The following DACH1 variants were observed in gnomAD, a reference collection of about 807,000 sequenced individuals.
DACH1 encodes dachshund homolog 1.
DACH1 carries 12 observed loss-of-function variants against 54.2 expected under a neutral mutation model. The observed-to-expected ratio is 0.22, with a 90% CI of 0.14 to 0.36. The LOEUF is 0.36. Among genes scored for constraint, DACH1 ranks in the 10% least tolerant of loss-of-function variants. The pLI, the probability that DACH1 is intolerant of heterozygous loss-of-function variation, is 1.00. For missense variants in DACH1, 805 were observed against 929.8 expected (o/e 0.87, Z 1.75); for synonymous variants, 386 against 366.2 (o/e 1.05, Z -0.62).
intron 3 of DACH1, among the ~76,000 whole-genome samples, chr13:71,606,530 T>C (rs568707715): frequency 2.0e-5 from 3 of 152,104 alleles, no homozygotes; most frequent in Admixed American, 6.6e-5. Context: ...TATCAGGAGG[T>C]AGAATGAGTG....
At chr13:71,835,043 A>G (rs76722434) in intron 1 of DACH1, among the ~76,000 whole-genome samples, 6,004 of 151,994 alleles carry the variant, frequency 0.04, 312 homozygotes, top group African/African-American at 0.12. Context: ...AGCTTGCCAA[A>G]ATTTTTCCCA....
intron 10 of DACH1, among the ~76,000 whole-genome samples, chr13:71,442,181 A>G (rs1874065388): frequency 6.6e-6 from 1 of 151,334 alleles, no homozygotes; most frequent in African/African-American, 2.4e-5. Context: ...CTCCCTCCCC[A>G]CTCTCCTCAC....
At chr13:71,634,616 A>G (rs1877337071) in intron 2 of DACH1, among the ~76,000 whole-genome samples, 1 of 152,098 alleles carries the variant, frequency 6.6e-6, no homozygotes, top group African/African-American at 2.4e-5. Flanking sequence ...ACTCTTAACT[A>G]TCTACCTAGG....
At chr13:71,647,583 C>T (rs182617789) in intron 2 of DACH1, among the ~76,000 whole-genome samples, 15 of 152,292 alleles carry the variant, frequency 9.8e-5, no homozygotes, top group African/African-American at 3.1e-4. Context: ...CAAACTGTAT[C>T]ATCTGATCAT....
At chr13:71,619,371 A>T (rs186051782) in intron 3 of DACH1, among the ~76,000 whole-genome samples, 140 of 152,042 alleles carry the variant, frequency 9.2e-4, no homozygotes, top group Non-Finnish European at 4.7e-4. Flanking sequence ...ATCCAATATG[A>T]CAGAGATTAG....
At chr13:71,857,398 T>C (rs1291857180) in intron 1 of DACH1, among the ~76,000 whole-genome samples, 2 of 151,800 alleles carry the variant, frequency 1.3e-5, no homozygotes, top group Non-Finnish European at 3.0e-5. Flanking sequence ...TTAAAGCCAA[T>C]TGTATTTTCC....
chr13:71,560,708 T>C (rs1255206113), intron 4 of DACH1, among the ~76,000 whole-genome samples: 1 of 152,130 alleles, frequency 6.6e-6, no homozygotes, highest in African/African-American at 2.4e-5. Flanking sequence ...CATTCTCCAT[T>C]AGACAAATCT....
Position 71,866,815 on chromosome 13 carries a change from GT to G in DACH1, c.-47del. 1 of 1,246,532 alleles carries G rather than the reference GT, an allele frequency of 8.0e-7. No individual in the cohort carries two copies. The highest frequency in any genetic ancestry group is 1.0e-6 in the Non-Finnish European group (1 of 984,426). 77.2% of individuals were successfully genotyped at this position (1,246,532 alleles called of 1,614,324 possible). On this transcript the variant is annotated 5_prime_UTR_variant, in exon 1 of 11. Transcript: ENST00000613252. ...AGACGGAGGAGAAGCGAGAGGAAAA[GT>G]TGCCACACACCCCCGGGAGGGGAAG... is the stretch of plus-strand genomic sequence containing the variant.
intron 1 of DACH1, among the ~76,000 whole-genome samples, chr13:71,781,346 T>TTTTATTTATTTA (rs58100916): frequency 8.7e-5 from 12 of 137,210 alleles, no homozygotes; most frequent in African/African-American, 1.3e-4. Context: ...TCTTTTTTAT[T>TTTTATTTATTTA]TTTATTTATT....
chr13:71,865,884 A>C (rs1257666548), intron 1 of DACH1, 38 bp downstream of exon 1: 2 of 1,542,980 alleles, frequency 1.3e-6, no homozygotes, highest in African/African-American at 2.8e-5. Flanking sequence ...GCTGGTGGGA[A>C]GGGGCGCGGG....
At chr13:71,775,150 T>TTTTTTG (rs1886013567) in intron 1 of DACH1, among the ~76,000 whole-genome samples, 1 of 141,354 alleles carries the variant, frequency 7.1e-6, no homozygotes, top group African/African-American at 2.7e-5. Context: ...TTTTTTTTTT[T>TTTTTTG]TTTTTTTTAA....
intron 1 of DACH1, among the ~76,000 whole-genome samples, chr13:71,783,228 T>C (rs1380210462): frequency 2.6e-5 from 4 of 152,184 alleles, no homozygotes; most frequent in Non-Finnish European, 5.9e-5. Context: ...AGATCCATAG[T>C]GATGCCTTCA....
intron 4 of DACH1, among the ~76,000 whole-genome samples, chr13:71,561,221 G>A (rs1884563387): frequency 6.6e-6 from 1 of 152,064 alleles, no homozygotes; most frequent in African/African-American, 2.4e-5. Context: ...TTATGCTTGA[G>A]TTTCACTCCC....
chr13:71,542,659 C>T (rs115104902), intron 6 of DACH1, among the ~76,000 whole-genome samples: 475 of 152,164 alleles, frequency 3.1e-3, no homozygotes, highest in African/African-American at 0.011. Context: ...TTCCAGAACA[C>T]TGAAAATACA....
At position 71,786,841 on chromosome 13, in the gene DACH1, A is replaced by G. The variant is rs112915770; in HGVS notation, c.848+79081T>C. ...TTCTTCTTCTTTTTGTTTATTGTGC[A>G]TGGTAAATTGACAATACTTATTTAA... On this transcript the variant is annotated intron_variant, in intron 1 of 10. Coordinates refer to ENST00000613252, the MANE Select transcript of DACH1 (RefSeq NM_080759.6). Among the ~76,000 whole-genome samples, 7 of 152,262 alleles carry G rather than the reference A, an allele frequency of 4.6e-5. 2 individuals carry two copies. The highest frequency in any genetic ancestry group is 1.7e-4 in the African/African-American group (7 of 41,552).
At chr13:71,596,103 T>C (rs1874074787) in intron 3 of DACH1, among the ~76,000 whole-genome samples, 1 of 143,696 alleles carries the variant, frequency 7.0e-6, no homozygotes, top group Non-Finnish European at 1.5e-5. Context: ...CACATATATG[T>C]ATTTTTTTTT....
Position 71,866,362 on chromosome 13 carries a change from G to GCTGCT in DACH1, c.407_408insAGCAG (p.Ser137AlafsTer59). On this transcript the variant is annotated frameshift_variant, in exon 1 of 11. Transcript: ENST00000613252. LOFTEE classifies it high-confidence loss of function. The stretch of plus-strand genomic sequence containing the variant: ...TGCTGCTGCTGCTGCTGCCGGTGCT[G>GCTGCT]GCGTTGATGGGGGTGCTGGAAGCGA... The GCTGCT allele has an allele frequency of 6.6e-7, 1 of 1,518,012 alleles. No individual in the cohort carries two copies. Among genetic ancestry groups the GCTGCT allele is most frequent in the Non-Finnish European group, 8.8e-7 (1 of 1,130,368 alleles). 94.0% of individuals were successfully genotyped at this position (1,518,012 alleles called of 1,614,324 possible).
chr13:71,754,106 C>T (rs1566480184), intron 1 of DACH1, among the ~76,000 whole-genome samples: 1 of 152,058 alleles, frequency 6.6e-6, no homozygotes, highest in Non-Finnish European at 1.5e-5. Context: ...TCCATTTTCT[C>T]TTTTTTTCAT....
In DACH1 at chr13:71,866,389, G is replaced by T; in HGVS notation, c.381C>A (p.Gly127=). 1.3e-6 allele frequency: 2 copies of T among 1,489,054 alleles called. No homozygotes were observed. The highest frequency in any genetic ancestry group is 2.5e-5 in the South Asian group (2 of 80,848). 92.2% of individuals were successfully genotyped at this position (1,489,054 alleles called of 1,614,324 possible). Residue 127 remains glycine, a synonymous_variant, in exon 1 of 11, where the codon GGC becomes GGA. Coordinates refer to ENST00000613252, the MANE Select transcript of DACH1 (RefSeq NM_080759.6). The stretch of plus-strand genomic sequence containing the variant: ...CGTTGATGGGGGTGCTGGAAGCGAC[G>T]CCGCCGCCAGCGCTGATGCCGCCGC... The part of the protein sequence containing the change: ...GGGGGISAGG[G]VASSTPINAS...
Sources: gnomAD v4.1 joint callset for allele counts (sites outside exome capture counted in the v4.1 genomes callset) on GRCh38, gnomAD v4.1.1 for gene constraint, MANE v1.5 for transcripts, NCBI Gene and HGNC (gene_info 2026-07-23, HGNC 2026-07-21) for gene names.